Variants in PLCB1 observed in about 807,000 individuals in gnomAD.
PLCB1 encodes the protein phospholipase C beta 1.
PLCB1 carries 46 observed loss-of-function variants against 161.8 expected under a neutral mutation model. The observed-to-expected ratio is 0.28, with a 90% CI of 0.22 to 0.36. The LOEUF (loss-of-function observed/expected upper bound fraction) is 0.36. PLCB1 is among the 10% of genes least tolerant of loss of function. PLCB1 has a pLI of 1.00. For missense variants in PLCB1, 1,016 were observed against 1,472.5 expected (o/e 0.69, Z 5.07); for synonymous variants, 517 against 503.7 (o/e 1.03, Z -0.35).
intron 1 of PLCB1, chr20:8,141,804 C>T (rs1303405840): frequency 1.3e-5 from 2 of 152,212 alleles, no homozygotes; most frequent in East Asian, 3.9e-4. Context: ...CTCTTTATAT[C>T]TGTTACTCCA....
chr20:8,710,122 C>G (rs996553379), intron 12 of PLCB1, among the ~76,000 whole-genome samples: 5 of 152,154 alleles, frequency 3.3e-5, no homozygotes, highest in African/African-American at 1.2e-4. Flanking sequence ...GTTTAATTGG[C>G]TCACAGTTCC....
chr20:8,690,674 AGTCCTAAAC>A (rs1990457294), intron 10 of PLCB1, among the ~76,000 whole-genome samples: 1 of 152,214 alleles, frequency 6.6e-6, no homozygotes, highest in South Asian at 2.1e-4. Context: ...TTGTGACTTC[AGTCCTAAAC>A]CATAATTCCA....
At chr20:8,686,701 T>C (rs1990367779) in intron 10 of PLCB1, among the ~76,000 whole-genome samples, 1 of 152,176 alleles carries the variant, frequency 6.6e-6, no homozygotes, top group South Asian at 2.1e-4. Context: ...CCAAATTGTC[T>C]CAACTTTGGT....
At chr20:8,161,506 C>T (rs987149189) in intron 2 of PLCB1, among the ~76,000 whole-genome samples, 1 of 152,162 alleles carries the variant, frequency 6.6e-6, no homozygotes, top group Non-Finnish European at 1.5e-5. Flanking sequence ...CAGTCTGGCT[C>T]TATGTTCTGG....
chr20:8,470,527 G>C (rs957764603), intron 3 of PLCB1, among the ~76,000 whole-genome samples: 1 of 152,032 alleles, frequency 6.6e-6, no homozygotes, highest in African/African-American at 2.4e-5. Flanking sequence ...CTTCTTGCAT[G>C]TGCATTTGCT....
chr20:8,774,336 C>T (rs2235614), intron 26 of PLCB1, among the ~76,000 whole-genome samples: 350 of 152,130 alleles, frequency 2.3e-3, no homozygotes, highest in African/African-American at 8.0e-3. Context: ...TTCTAGAGCA[C>T]CATGAATTCC....
At chr20:8,230,542 C>T (rs981524132) in intron 2 of PLCB1, among the ~76,000 whole-genome samples, 49 of 152,040 alleles carry the variant, frequency 3.2e-4, no homozygotes, top group African/African-American at 1.2e-3. Flanking sequence ...TATTTGTACC[C>T]ACCACTAATC....
intron 2 of PLCB1, among the ~76,000 whole-genome samples, chr20:8,239,715 G>T (rs1351660906): frequency 6.6e-6 from 1 of 151,902 alleles, no homozygotes; most frequent in Non-Finnish European, 1.5e-5. Context: ...CTTGATAGGA[G>T]ATCCTTTTTA....
At chr20:8,764,163 T>C (rs1228975112) in intron 25 of PLCB1, among the ~76,000 whole-genome samples, 15 of 151,940 alleles carry the variant, frequency 9.9e-5, no homozygotes, top group Admixed American at 9.8e-4. Flanking sequence ...CAAGACTCTG[T>C]CTCAAAAAAG....
At chr20:8,337,091 G>GA (rs1209117201) in intron 2 of PLCB1, among the ~76,000 whole-genome samples, 1 of 152,012 alleles carries the variant, frequency 6.6e-6, no homozygotes, top group South Asian at 2.1e-4. Flanking sequence ...GAACCAGAAT[G>GA]AAAAATAAAA....
chr20:8,192,536 A>C (rs1431456848), intron 2 of PLCB1, among the ~76,000 whole-genome samples: 1 of 151,608 alleles, frequency 6.6e-6, no homozygotes, highest in African/African-American at 2.4e-5. Flanking sequence ...AGAATGCAAC[A>C]TCATCTGCAA....
intron 11 of PLCB1, among the ~76,000 whole-genome samples, chr20:8,702,874 AGTG>A (rs1978448268): frequency 6.6e-6 from 1 of 152,244 alleles, no homozygotes; most frequent in South Asian, 2.1e-4. Context: ...AAAGTTCTCC[AGTG>A]GAACTTCTGA....
At chr20:8,196,664 A>ATATATATATATATAT (rs397786544) in intron 2 of PLCB1, among the ~76,000 whole-genome samples, 69 of 149,620 alleles carry the variant, frequency 4.6e-4, no homozygotes, top group African/African-American at 1.7e-3. Context: ...ATATATATAT[A>ATATATATATATATAT]AAATATATAT....
chr20:8,158,715 G>C (rs2051589073), intron 2 of PLCB1, among the ~76,000 whole-genome samples: 1 of 152,170 alleles, frequency 6.6e-6, no homozygotes, highest in Non-Finnish European at 1.5e-5. Flanking sequence ...TGGGTAAATA[G>C]AGCCATTCCA....
intron 2 of PLCB1, among the ~76,000 whole-genome samples, chr20:8,296,369 C>T (rs1447034123): frequency 6.6e-6 from 1 of 152,162 alleles, no homozygotes; most frequent in African/African-American, 2.4e-5. Context: ...TCCTCACTTC[C>T]GTGCTGTGCT....
At chr20:8,395,178 A>G (rs1447916686) in intron 3 of PLCB1, among the ~76,000 whole-genome samples, 1 of 152,118 alleles carries the variant, frequency 6.6e-6, no homozygotes, top group Non-Finnish European at 1.5e-5. Context: ...CATACAAACA[A>G]TATGGGAAAT....
At chr20:8,534,634 C>G (rs912896255) in intron 3 of PLCB1, among the ~76,000 whole-genome samples, 2 of 152,132 alleles carry the variant, frequency 1.3e-5, no homozygotes, top group East Asian at 1.9e-4. Flanking sequence ...TCCAGAGCTT[C>G]CCCTCAGAGA....
intron 2 of PLCB1, among the ~76,000 whole-genome samples, chr20:8,307,934 AC>A (rs1307940111): frequency 6.6e-6 from 1 of 151,844 alleles, no homozygotes; most frequent in Admixed American, 6.6e-5. Context: ...AAACAAACAA[AC>A]AAACAAACAA....
chr20:8,734,128 T>G (rs1359366573), intron 19 of PLCB1, among the ~76,000 whole-genome samples: 2 of 53,958 alleles, frequency 3.7e-5, no homozygotes, highest in Admixed American at 3.9e-4. Context: ...AGAGCGAGAC[T>G]CTGTCTCAAA....
Sources: gnomAD v4.1 joint callset for allele counts (sites outside exome capture counted in the v4.1 genomes callset) on GRCh38, gnomAD v4.1.1 for gene constraint, MANE v1.5 for transcripts, NCBI Gene and HGNC (gene_info 2026-07-23, HGNC 2026-07-21) for gene names.